The following SYDE2 variants were observed in gnomAD, a reference collection of about 807,000 sequenced individuals.
The protein encoded by SYDE2 is rho GTPase-activating protein SYDE2.
Under a neutral mutation model 91.5 loss-of-function variants are expected in SYDE2, and 76 were observed. The ratio of observed to expected loss-of-function variants is 0.83; its 90% CI spans 0.69 to 1.01. The LOEUF (loss-of-function observed/expected upper bound fraction) is 1.01, where lower values mean the gene tolerates loss of function less well. Among genes scored for constraint, SYDE2 ranks in the 50% least tolerant of loss-of-function variants. The pLI is 0.00. For synonymous variants in SYDE2, 513 were observed against 506.4 expected (o/e 1.01, Z -0.18); for missense variants, 1,364 against 1,367.7 (o/e 1.00, Z 0.04).
rs377134299 is a variant in SYDE2, at chr1:85,159,064, C to T, written c.3271G>A (p.Asp1091Asn). ...DSPLSNRYAG[D>N]WSSCGENYFL... Reference sequence around the variant, plus strand: ...TAGTTTTCCCCACAGCTGCTCCAGTCTCCTGCATAACGATTGCTAAGTGGA... The same window carrying T: ...TAGTTTTCCCCACAGCTGCTCCAGTTTCCTGCATAACGATTGCTAAGTGGA... Residue 1091 changes from aspartate (D) to asparagine (N), a missense_variant, in exon 7 of 7, where the codon GAC becomes AAC. Transcript: ENST00000341460. 3 of 780,774 alleles carry T rather than the reference C, an allele frequency of 3.8e-6. No individual in the cohort carries two copies. The African/African-American group carries it at 5.1e-5, about 13-fold the overall frequency. 48.4% of individuals were successfully genotyped at this position (780,774 alleles called of 1,614,324 possible). A position where few individuals can be genotyped will look rare whatever the true frequency, so the allele number is the denominator to read the frequency against.
At chr1:85,184,243 T>C in intron 2 of SYDE2, among the ~76,000 whole-genome samples, 1 of 152,184 alleles carries the variant, frequency 6.6e-6, no homozygotes, top group East Asian at 1.9e-4. Flanking sequence ...AGTGAATAAA[T>C]GAATAACCAA....
At chr1:85,191,159 T>C (rs1324475979) in intron 1 of SYDE2, among the ~76,000 whole-genome samples, 1 of 152,192 alleles carries the variant, frequency 6.6e-6, no homozygotes, top group Non-Finnish European at 1.5e-5. Context: ...AGAAATATAA[T>C]ATTCCTCCTA....
At chr1:85,155,009 C>CAAA, downstream of SYDE2, among the ~76,000 whole-genome samples, 2,426 of 80,490 alleles carry the variant, frequency 0.03, 52 homozygotes, top group African/African-American at 0.092. Context: ...AAGAATGCAG[C>CAAA]AAAAAAAAAA....
intron 5 of SYDE2, among the ~76,000 whole-genome samples, chr1:85,168,843 T>C (rs924762922): frequency 1.3e-5 from 2 of 152,184 alleles, no homozygotes; most frequent in African/African-American, 4.8e-5. Context: ...AAATCACATA[T>C]AGAAAAGATA....
intron 3 of SYDE2, chr1:85,181,073 G>A (rs945822269): frequency 1.3e-5 from 2 of 151,606 alleles, no homozygotes; most frequent in Admixed American, 6.6e-5. Flanking sequence ...ACCCCACTGG[G>A]GGGCCTGAAG....
Position 85,200,767 on chromosome 1 carries a change from G to C in SYDE2, c.230C>G (p.Pro77Arg), listed in dbSNP as rs1351183063. ...REPRGGQLRT[P>R]RMRPSCSRSL... ...TCTGCTGCAGGACGGCCGCATCCGA[G>C]GAGTCCGCAGCTGGCCTCCCCGCGG... Residue 77 changes from proline (P) to arginine (R), a missense_variant, in exon 1 of 7, where the codon CCT becomes CGT. Pro to Arg is a moderately radical substitution (Grantham distance 103, BLOSUM62 -2). Transcript: ENST00000341460. 6.6e-7 allele frequency: 1 copy of C among 1,524,420 alleles called. No homozygotes were observed. Among genetic ancestry groups the C allele is most frequent in the Middle Eastern group, 2.2e-4 (1 of 4,578 alleles). 94.4% of individuals were successfully genotyped at this position (1,524,420 alleles called of 1,614,324 possible).
At chr1:85,168,553 A>AG (rs1657382530) in intron 5 of SYDE2, among the ~76,000 whole-genome samples, 1 of 151,890 alleles carries the variant, frequency 6.6e-6, no homozygotes, top group Non-Finnish European at 1.5e-5. Flanking sequence ...GATTTTGGAG[A>AG]GGGGGTGAAT....
In SYDE2 at chr1:85,200,733, C is replaced by T; in HGVS notation, c.264G>A (p.Glu88=). The change falls in exon 1 of 7, where the codon GAG becomes GAA. Residue 88 remains glutamate, a synonymous_variant. Transcript: ENST00000341460. ...RMRPSCSRSL[E]SLRVGAKPPP... ...GCGGCTTGGCACCCACCCGGAGGCTCTCGAGGCTTCTGCTGCAGGACGGCC... is the reference window on the plus strand; with the variant it reads ...GCGGCTTGGCACCCACCCGGAGGCTTTCGAGGCTTCTGCTGCAGGACGGCC... 6.5e-7 allele frequency: 1 copy of T among 1,533,758 alleles called. No homozygotes were observed. The highest frequency in any genetic ancestry group is 8.7e-7 in the Non-Finnish European group (1 of 1,145,456).
intron 1 of SYDE2, among the ~76,000 whole-genome samples, chr1:85,191,757 CAA>C (rs534474157): frequency 5.4e-5 from 5 of 93,422 alleles, no homozygotes; most frequent in East Asian, 3.2e-4. Context: ...GATTCCGTCT[CAA>C]AAAAAAAAAA....
intron 1 of SYDE2, among the ~76,000 whole-genome samples, chr1:85,194,408 A>C (rs1658500543): frequency 6.7e-6 from 1 of 148,484 alleles, no homozygotes; most frequent in Admixed American, 6.7e-5. Flanking sequence ...TTGTAGAGAC[A>C]GGGTCTCACT....
chr1:85,195,674 G>A (rs535504867), intron 1 of SYDE2, among the ~76,000 whole-genome samples: 1 of 152,012 alleles, frequency 6.6e-6, no homozygotes, highest in Non-Finnish European at 1.5e-5. Flanking sequence ...GCAAAAGAAA[G>A]GAGCACAAAA....
intron 6 of SYDE2, chr1:85,160,358 T>A (rs1227690764): frequency 2.3e-6 from 2 of 881,798 alleles, no homozygotes; most frequent in Non-Finnish European, 2.7e-6. Context: ...CACACTTTTT[T>A]AAATTTAGAT....
At chr1:85,167,293 T>C (rs1445343820) in intron 5 of SYDE2, among the ~76,000 whole-genome samples, 1 of 152,062 alleles carries the variant, frequency 6.6e-6, no homozygotes, top group Non-Finnish European at 1.5e-5. Context: ...GTTCATATTA[T>C]TTAAATAAGC....
intron 1 of SYDE2, among the ~76,000 whole-genome samples, chr1:85,197,686 ACT>A (rs780297285): frequency 6.6e-6 from 1 of 151,952 alleles, no homozygotes; most frequent in Non-Finnish European, 1.5e-5. Flanking sequence ...ACGGAGTCTC[ACT>A]CTGTCTCCCA....
At chr1:85,180,779 T>C (rs1657884960) in intron 3 of SYDE2, among the ~76,000 whole-genome samples, 1 of 152,062 alleles carries the variant, frequency 6.6e-6, no homozygotes, top group Non-Finnish European at 1.5e-5. Context: ...AGTCTATATA[T>C]ACCTGCTCTT....
intron 5 of SYDE2, 58 bp downstream of exon 5, chr1:85,168,986 G>T: frequency 7.1e-7 from 1 of 1,412,050 alleles, no homozygotes. Flanking sequence ...TAGCTCTGGA[G>T]GTAGGTATAC....
At chr1:85,187,505 C>T (rs200452704) in intron 2 of SYDE2, among the ~76,000 whole-genome samples, 23,077 of 150,458 alleles carry the variant, frequency 0.15, 1,879 homozygotes, top group East Asian at 0.28. Context: ...ACCCAGCCAT[C>T]CCATTACTGG....
chr1:85,184,511 C>T lies in SYDE2; in HGVS notation c.1442-1311G>A, dbSNP rs574593609. On this transcript the variant is annotated intron_variant, in intron 2 of 6. Transcript: ENST00000341460. ...ATGCTTGAGAAACAATACTACCCTA[C>T]ATGTAACAATGCAAGATGAAGATAC... 5.3e-4 allele frequency among the ~76,000 whole-genome samples: 80 copies of T among 152,092 alleles called. 1 individual carries two copies. Among genetic ancestry groups the T allele is most frequent in the Non-Finnish European group, 1.2e-4 (8 of 68,004 alleles).
At chr1:85,172,906 G>A (rs1657554295) in intron 4 of SYDE2, among the ~76,000 whole-genome samples, 3 of 152,270 alleles carry the variant, frequency 2.0e-5, no homozygotes, top group Admixed American at 1.3e-4. Flanking sequence ...CCCCAAGGCT[G>A]GAGAAAGAAC....
Sources: allele counts gnomAD v4.1 joint callset (sites outside exome capture counted in the v4.1 genomes callset), GRCh38; gene constraint gnomAD v4.1.1; transcripts MANE v1.5; gene names NCBI Gene and HGNC (gene_info 2026-07-23, HGNC 2026-07-21).